Variants in TPRG1 observed in about 807,000 individuals in gnomAD.
TPRG1 encodes the protein tumor protein p63 regulated 1.
A neutral mutation model predicts 29.3 loss-of-function variants in TPRG1; 29 were observed. The observed-to-expected ratio is 0.99, with a 90% CI of 0.74 to 1.35. The LOEUF is 1.35. TPRG1 is among the 40% of genes most tolerant of loss of function. TPRG1 has a pLI of 0.00. For synonymous variants in TPRG1, 130 were observed against 116.8 expected (o/e 1.11, Z -0.73); for missense variants, 327 against 335.0 (o/e 0.98, Z 0.19).
intron 4 of TPRG1, among the ~76,000 whole-genome samples, chr3:189,148,634 G>A (rs1286499500): frequency 6.6e-6 from 1 of 152,230 alleles, no homozygotes; most frequent in African/African-American, 2.4e-5. Context: ...AAAAGTTTAA[G>A]CCAGACCATG....
chr3:189,145,764 G>T (rs889067536), intron 3 of TPRG1, among the ~76,000 whole-genome samples: 1 of 152,190 alleles, frequency 6.6e-6, no homozygotes, highest in Non-Finnish European at 1.5e-5. Context: ...GAACTTAAAA[G>T]ATATGCGTGG....
At chr3:189,218,714 C>A (rs998410215) in intron 3 of TPRG1, among the ~76,000 whole-genome samples, 1 of 152,194 alleles carries the variant, frequency 6.6e-6, no homozygotes, top group African/African-American at 2.4e-5. Flanking sequence ...ACATGAAGTG[C>A]CCAAATGAAG....
chr3:189,047,111 C>T (rs151267936), intron 4 of TPRG1, among the ~76,000 whole-genome samples: 5 of 152,202 alleles, frequency 3.3e-5, no homozygotes, highest in African/African-American at 7.2e-5. Context: ...TGCTATAAAA[C>T]TGATGCCAAA....
At chr3:189,178,523 G>GA (rs995644724) in intron 1 of TPRG1, among the ~76,000 whole-genome samples, 20 of 151,750 alleles carry the variant, frequency 1.3e-4, no homozygotes, top group African/African-American at 4.3e-4. Flanking sequence ...CATCTCAAAG[G>GA]AAAAAAAAGA....
chr3:189,233,052 G>T (rs1738913318), intron 3 of TPRG1, among the ~76,000 whole-genome samples: 1 of 152,068 alleles, frequency 6.6e-6, no homozygotes, highest in Non-Finnish European at 1.5e-5. Flanking sequence ...TGTTAGCCAA[G>T]ATACTATCTT....
At chr3:189,302,171 G>T (rs181331302) in intron 4 of TPRG1, among the ~76,000 whole-genome samples, 2 of 152,252 alleles carry the variant, frequency 1.3e-5, no homozygotes, top group East Asian at 3.9e-4. Flanking sequence ...AGGCCCCATA[G>T]TTATAAAATC....
upstream of TPRG1, among the ~76,000 whole-genome samples, chr3:189,098,173 C>G (rs1718809016): frequency 6.6e-6 from 1 of 151,704 alleles, no homozygotes; most frequent in Admixed American, 6.6e-5. Flanking sequence ...GAAAAGAGAG[C>G]CGGGTAGGGA....
intron 1 of TPRG1, among the ~76,000 whole-genome samples, chr3:189,182,698 A>G (rs911165062): frequency 1.8e-4 from 27 of 152,308 alleles, no homozygotes; most frequent in African/African-American, 6.5e-4. Flanking sequence ...AAAGTACGTA[A>G]AAAGGGAGCA....
chr3:189,235,700 G>A (rs1739350577), intron 3 of TPRG1, among the ~76,000 whole-genome samples: 1 of 152,132 alleles, frequency 6.6e-6, no homozygotes, highest in African/African-American at 2.4e-5. Context: ...AAACCACACT[G>A]AAGGGTCCAC....
Position 189,219,676 on chromosome 3 carries a change from G to T in TPRG1, c.302+4293G>T, listed in dbSNP as rs73061005. ...GGCTCTTCAGCAGAATGTACTTGAG[G>T]TGTCTTTGTCTACAATGGTTAAAGA... is the stretch of plus-strand genomic sequence containing the variant. On this transcript the variant is annotated intron_variant, in intron 3 of 5. Coordinates refer to ENST00000345063, the MANE Select transcript of TPRG1 (RefSeq NM_198485.4). 3,180 of 1,282,516 alleles carry T rather than the reference G, an allele frequency of 2.5e-3. 63 individuals carry two copies. In the African/African-American group the frequency reaches 0.045, roughly 18 times the overall value. 79.4% of individuals were successfully genotyped at this position (1,282,516 alleles called of 1,614,324 possible).
intron 4 of TPRG1, among the ~76,000 whole-genome samples, chr3:189,070,651 GAA>G (rs1716757952): frequency 6.6e-6 from 1 of 152,154 alleles, no homozygotes; most frequent in African/African-American, 2.4e-5. Context: ...GAAAGAGAGA[GAA>G]AGAGAACAAT....
chr3:189,095,985 T>C (rs922938428), upstream of TPRG1, among the ~76,000 whole-genome samples: 1 of 152,258 alleles, frequency 6.6e-6, no homozygotes, highest in African/African-American at 2.4e-5. Context: ...TCTTGACCTC[T>C]ATCAGTCGTA....
intron 3 of TPRG1, among the ~76,000 whole-genome samples, chr3:189,238,185 A>G (rs186476103): frequency 8.1e-4 from 124 of 152,286 alleles, no homozygotes; most frequent in African/African-American, 2.8e-3. Context: ...CATTTCTACC[A>G]CAAGGATATG....
chr3:189,041,454 T>C (rs981328613), intron 4 of TPRG1, among the ~76,000 whole-genome samples: 1 of 152,212 alleles, frequency 6.6e-6, no homozygotes. Flanking sequence ...TTAACAACTC[T>C]GAGCCTCTTT....
At chr3:189,311,030 G>T (rs1722401044) in intron 5 of TPRG1, among the ~76,000 whole-genome samples, 1 of 152,114 alleles carries the variant, frequency 6.6e-6, no homozygotes, top group South Asian at 2.1e-4. Context: ...AATGATGTGT[G>T]TATAAATACT....
chr3:189,230,344 C>T (rs899785821), intron 3 of TPRG1, among the ~76,000 whole-genome samples: 7 of 152,120 alleles, frequency 4.6e-5, no homozygotes, highest in African/African-American at 1.7e-4. Flanking sequence ...GGCTCTGTCA[C>T]TTCATCCATG....
chr3:189,302,058 C>A (rs1329710382), intron 4 of TPRG1, among the ~76,000 whole-genome samples: 2 of 152,184 alleles, frequency 1.3e-5, no homozygotes, highest in Non-Finnish European at 2.9e-5. Context: ...AGCACACATA[C>A]AATTTTTCTT....
intron 4 of TPRG1, among the ~76,000 whole-genome samples, chr3:189,046,828 T>A (rs902886110): frequency 9.2e-5 from 14 of 152,172 alleles, no homozygotes; most frequent in African/African-American, 3.4e-4. Flanking sequence ...ACTAGTCAGT[T>A]CTTTTAACTG....
At chr3:189,199,606 C>T (rs1285713883) in intron 1 of TPRG1, among the ~76,000 whole-genome samples, 5 of 152,166 alleles carry the variant, frequency 3.3e-5, no homozygotes, top group East Asian at 1.9e-4. Context: ...TTTGGGAAGC[C>T]GAGGCAGGCG....
Sources: allele counts gnomAD v4.1 joint callset (sites outside exome capture counted in the v4.1 genomes callset), GRCh38; gene constraint gnomAD v4.1.1; transcripts MANE v1.5; gene names NCBI Gene and HGNC (gene_info 2026-07-23, HGNC 2026-07-21).